FRYL: variants seen among roughly 807,000 people sequenced by gnomAD.
FRYL encodes FRY like transcription coactivator, also known as protein furry homolog-like.
Under a neutral mutation model 351.2 loss-of-function variants are expected in FRYL, and 150 were observed. The ratio of observed to expected loss-of-function variants is 0.43; its 90% confidence interval spans 0.37 to 0.49. The LOEUF (loss-of-function observed/expected upper bound fraction) is 0.49. Ranked by LOEUF, FRYL falls within the 20% of genes least tolerant of loss-of-function variation. The probability of loss-of-function intolerance (pLI) is 0.00; values close to 1 mark genes in which losing one functional copy is unlikely to be tolerated. For synonymous variants in FRYL, 1,153 were observed against 1,257.1 expected (o/e 0.92, Z 1.75); for missense variants, 3,036 against 3,619.3 (o/e 0.84, Z 4.13).
At chr4:48,690,252 C>CT (rs907257665) in intron 2 of FRYL, among the ~76,000 whole-genome samples, 46 of 151,904 alleles carry the variant, frequency 3.0e-4, no homozygotes, top group African/African-American at 9.4e-4. Context: ...AGTAGTACTT[C>CT]TTTTTTTTCC....
At chr4:48,512,388 A>G in intron 57 of FRYL, 93 bp downstream of exon 57, 1 of 1,013,660 alleles carries the variant, frequency 9.9e-7, no homozygotes, top group Non-Finnish European at 1.5e-6. Context: ...AACTGGTAGG[A>G]ATATTAAAAT....
In FRYL at chr4:48,593,271, C is replaced by CA. The variant is rs35026740; in HGVS notation, c.1335+658dup. On this transcript the variant is annotated intron_variant, in intron 16 of 63. Transcript: ENST00000358350. Reference sequence around the variant, plus strand: ...AATGTGAAGTAAAAAAAAAAACAACCAAAAAAAAAAAAACCTGGGCTCATT... The same window carrying CA: ...AATGTGAAGTAAAAAAAAAAACAACCAAAAAAAAAAAAAACCTGGGCTCATT... Among the ~76,000 whole-genome samples the CA allele has an allele frequency of 9.1e-3, 1,216 of 133,684 alleles. 15 individuals carry two copies. Among genetic ancestry groups the CA allele is most frequent in the Non-Finnish European group, 0.012 (756 of 64,974 alleles). 87.7% of individuals were successfully genotyped at this position (133,684 alleles called of 152,430 possible). A position where few individuals can be genotyped will look rare whatever the true frequency, so the allele number is the denominator to read the frequency against.
In FRYL at chr4:48,653,972, T is replaced by C. The variant is rs1194212926; in HGVS notation, c.-80-19482A>G. 2.6e-5 allele frequency: 30 copies of C among 1,145,860 alleles called. No individual in the cohort carries two copies. The South Asian group carries it at 2.8e-4, about 11-fold the overall frequency. The allele number at this position is 1,145,860 out of a possible 1,614,324, so 71.0% of individuals were successfully genotyped here. On this transcript the variant is annotated intron_variant, in intron 3 of 63. Coordinates refer to ENST00000358350, the MANE Select transcript of FRYL (RefSeq NM_015030.2). ...GCAGTCTTGCAGTGACGCACAACTA[T>C]AGTGGAAATGCCGCTGAATGCAGAT...
chr4:48,748,238 T>TC, intron 1 of FRYL, among the ~76,000 whole-genome samples: 1 of 151,798 alleles, frequency 6.6e-6, no homozygotes, highest in South Asian at 2.1e-4. Flanking sequence ...AGAGCGAGAC[T>TC]CCGTTTCAAA....
At chr4:48,643,412 G>T (rs933030542) in intron 3 of FRYL, among the ~76,000 whole-genome samples, 22 of 152,132 alleles carry the variant, frequency 1.4e-4, no homozygotes, top group African/African-American at 5.3e-4. Context: ...CTTCTTAAAA[G>T]ACGGTAGCAG....
chr4:48,542,798 C>A (rs376573453), intron 44 of FRYL, among the ~76,000 whole-genome samples: 12 of 152,158 alleles, frequency 7.9e-5, no homozygotes, highest in African/African-American at 2.7e-4. Context: ...AAGCTACCAC[C>A]ATTTCAGCTG....
chr4:48,696,443 C>G (rs1291644686), intron 2 of FRYL, among the ~76,000 whole-genome samples: 1 of 152,040 alleles, frequency 6.6e-6, no homozygotes, highest in African/African-American at 2.4e-5. Flanking sequence ...AACCAAATAC[C>G]GCATGTTCTC....
chr4:48,632,380 T>C (rs932660603), intron 4 of FRYL, among the ~76,000 whole-genome samples: 6 of 150,218 alleles, frequency 4.0e-5, no homozygotes, highest in Admixed American at 2.7e-4. Context: ...CCTTACTGTA[T>C]GCTGTTTAAG....
intron 55 of FRYL, among the ~76,000 whole-genome samples, chr4:48,515,534 A>T (rs1560520893): frequency 1.3e-5 from 2 of 148,882 alleles, no homozygotes; most frequent in African/African-American, 2.5e-5. Context: ...TGCCCAGCTA[A>T]TTTTTTTTTT....
At chr4:48,707,242 G>A (rs748594212) in intron 2 of FRYL, among the ~76,000 whole-genome samples, 12 of 152,054 alleles carry the variant, frequency 7.9e-5, no homozygotes, top group Non-Finnish European at 1.3e-4. Context: ...ATGTGCAGAA[G>A]TGCAAATTCT....
chr4:48,599,023 A>G (rs1560688327), intron 13 of FRYL: 1 of 172,658 alleles, frequency 5.8e-6, no homozygotes, highest in Non-Finnish European at 1.2e-5. Context: ...AGAAACACTA[A>G]GAAAAAAAAA....
chr4:48,702,801 C>T (rs1343434018), intron 2 of FRYL, among the ~76,000 whole-genome samples: 1 of 148,196 alleles, frequency 6.7e-6, no homozygotes, highest in Non-Finnish European at 1.5e-5. Flanking sequence ...AGAAAAAATA[C>T]ATAATTTCTT....
In FRYL at chr4:48,523,096, A is replaced by G. The variant is rs374208159; in HGVS notation, c.7326T>C (p.Ser2442=). 7.6e-5 allele frequency: 122 copies of G among 1,612,156 alleles called. No individual in the cohort carries two copies. In the African/African-American group the frequency reaches 1.3e-3, roughly 17 times the overall value. ...GAACTCCCCAGTTGAAATTGTCCAT[A>G]CTTTCACCCTGGAAAAGCAAGACAC... The part of the protein sequence containing the change: ...DVELEDAEGE[S]MDNFNWGVRR... The change falls in exon 54 of 64, where the codon AGT becomes AGC. Residue 2442 remains serine, a synonymous_variant. Transcript: ENST00000358350.
At chr4:48,736,472 G>A (rs926510723) in intron 1 of FRYL, among the ~76,000 whole-genome samples, 17 of 151,834 alleles carry the variant, frequency 1.1e-4, no homozygotes, top group Non-Finnish European at 1.9e-4. Context: ...GAAAAAAAGA[G>A]ACATGACACA....
intron 59 of FRYL, chr4:48,506,094 A>T (rs1337565000): frequency 6.5e-6 from 1 of 152,748 alleles, no homozygotes; most frequent in African/African-American, 2.4e-5. Flanking sequence ...GGCAATCAAG[A>T]TCCATTTTAA....
chr4:48,521,655 T>C (rs1442197689), intron 54 of FRYL, among the ~76,000 whole-genome samples: 7 of 152,196 alleles, frequency 4.6e-5, no homozygotes, highest in African/African-American at 1.7e-4. Context: ...GCAATAACCA[T>C]ACTTGCCTTG....
At chr4:48,586,043 C>T (rs1372272191) in intron 19 of FRYL, among the ~76,000 whole-genome samples, 2 of 152,150 alleles carry the variant, frequency 1.3e-5, no homozygotes, top group Non-Finnish European at 2.9e-5. Context: ...GAATCCCTAA[C>T]TACATCAACA....
At chr4:48,560,419 A>T (rs1560606553) in intron 33 of FRYL, among the ~76,000 whole-genome samples, 1 of 152,196 alleles carries the variant, frequency 6.6e-6, no homozygotes, top group Non-Finnish European at 1.5e-5. Context: ...AGAGTGTCTG[A>T]AGAGAGAACT....
At chr4:48,693,598 C>T (rs779134040) in intron 2 of FRYL, among the ~76,000 whole-genome samples, 3 of 140,536 alleles carry the variant, frequency 2.1e-5, no homozygotes, top group Non-Finnish European at 4.7e-5. Context: ...ACCGTTGATA[C>T]AACAAAACAA....
Sources: allele counts gnomAD v4.1 joint callset (sites outside exome capture counted in the v4.1 genomes callset), GRCh38; gene constraint gnomAD v4.1.1; transcripts MANE v1.5; gene names NCBI Gene and HGNC (gene_info 2026-07-23, HGNC 2026-07-21).